Variants in NOL4 observed in about 807,000 individuals in gnomAD.
NOL4 encodes nucleolar protein 4, also known as cancer/testis antigen 125.
A neutral mutation model predicts 75.9 loss-of-function variants in NOL4; 17 were observed. The ratio of observed to expected loss-of-function variants is 0.22; its 90% confidence interval spans 0.15 to 0.34. NOL4 has a LOEUF of 0.34. NOL4 is among the 10% of genes least tolerant of loss of function. The pLI, the probability that NOL4 is intolerant of heterozygous loss-of-function variation, is 1.00. For missense variants in NOL4, 614 were observed against 793.5 expected (o/e 0.77, Z 2.72); for synonymous variants, 292 against 289.9 (o/e 1.01, Z -0.07).
chr18:34,094,880 C>T (rs1371836378), intron 4 of NOL4, among the ~76,000 whole-genome samples: 2 of 152,054 alleles, frequency 1.3e-5, no homozygotes, highest in East Asian at 3.9e-4. Context: ...TATACTAGAA[C>T]CGGTAGTCAT....
intron 9 of NOL4, among the ~76,000 whole-genome samples, chr18:33,883,638 T>C (rs1187223621): frequency 6.6e-6 from 1 of 152,090 alleles, no homozygotes; most frequent in African/African-American, 2.4e-5. Context: ...GATGGAACAA[T>C]TGACAGTTTT....
intron 5 of NOL4, among the ~76,000 whole-genome samples, chr18:34,062,405 A>G (rs2077099977): frequency 1.3e-5 from 2 of 152,068 alleles, no homozygotes; most frequent in Admixed American, 1.3e-4. Flanking sequence ...TTAGTACTGA[A>G]TAATTAGATC....
At chr18:33,862,045 C>T (rs2063165933) in intron 10 of NOL4, among the ~76,000 whole-genome samples, 2 of 152,120 alleles carry the variant, frequency 1.3e-5, no homozygotes, top group African/African-American at 4.8e-5. Context: ...GTAACCAAAA[C>T]AGCATGGTAC....
chr18:33,940,698 A>G (rs371203971), intron 9 of NOL4, among the ~76,000 whole-genome samples: 1 of 151,698 alleles, frequency 6.6e-6, no homozygotes, highest in African/African-American at 2.4e-5. Flanking sequence ...TACAAAAAAC[A>G]AAACAAAACA....
chr18:34,218,612 T>G (rs1335265419), intron 1 of NOL4, among the ~76,000 whole-genome samples: 1 of 152,180 alleles, frequency 6.6e-6, no homozygotes, highest in Non-Finnish European at 1.5e-5. Context: ...AATCACTAAG[T>G]CAGCTAATAA....
At chr18:33,880,449 A>G (rs1013731844) in intron 10 of NOL4, among the ~76,000 whole-genome samples, 4 of 151,938 alleles carry the variant, frequency 2.6e-5, no homozygotes, top group African/African-American at 9.7e-5. Context: ...ATAGCTTTAT[A>G]TTATACAGTT....
At chr18:34,090,978 C>A (rs2078488967) in intron 5 of NOL4, among the ~76,000 whole-genome samples, 1 of 151,996 alleles carries the variant, frequency 6.6e-6, no homozygotes, top group East Asian at 1.9e-4. Flanking sequence ...ACTTAATCTC[C>A]AGCATAGCAG....
chr18:34,201,284 A>G (rs1035121751), intron 1 of NOL4, among the ~76,000 whole-genome samples: 2 of 151,842 alleles, frequency 1.3e-5, no homozygotes, highest in African/African-American at 4.8e-5. Flanking sequence ...CTTCATAAAA[A>G]TCCCATGAAG....
At chr18:33,965,641 T>A (rs1299482995) in intron 6 of NOL4, among the ~76,000 whole-genome samples, 1 of 152,124 alleles carries the variant, frequency 6.6e-6, no homozygotes, top group East Asian at 1.9e-4. Context: ...TTTCATGAAA[T>A]CTGATGGTTT....
chr18:33,905,182 T>C (rs190069135), intron 9 of NOL4, among the ~76,000 whole-genome samples: 83 of 152,304 alleles, frequency 5.4e-4, no homozygotes, highest in African/African-American at 1.9e-3. Context: ...CTGTAGGCAC[T>C]GTACTAACTT....
At chr18:33,899,816 G>A (rs1311071469) in intron 9 of NOL4, among the ~76,000 whole-genome samples, 2 of 152,080 alleles carry the variant, frequency 1.3e-5, no homozygotes, top group Non-Finnish European at 2.9e-5. Flanking sequence ...GATTTGAGAA[G>A]CAGTTCATTT....
At chr18:33,883,836 C>T (rs2064465044) in intron 9 of NOL4, among the ~76,000 whole-genome samples, 1 of 152,084 alleles carries the variant, frequency 6.6e-6, no homozygotes, top group Non-Finnish European at 1.5e-5. Flanking sequence ...GGACATTGTG[C>T]AAAGTGATAT....
At chr18:34,023,149 A>G (rs2075139540) in intron 5 of NOL4, among the ~76,000 whole-genome samples, 1 of 152,194 alleles carries the variant, frequency 6.6e-6, no homozygotes, top group African/African-American at 2.4e-5. Context: ...TGCAATTTAA[A>G]TGGTAAAAAA....
chr18:34,023,080 T>C (rs568640328), intron 5 of NOL4, among the ~76,000 whole-genome samples: 71 of 152,156 alleles, frequency 4.7e-4, no homozygotes, highest in Non-Finnish European at 8.4e-4. Context: ...TCAGTATGTT[T>C]TAAGAAAAAC....
intron 6 of NOL4, among the ~76,000 whole-genome samples, chr18:34,004,785 C>T (rs2073940709): frequency 6.6e-6 from 1 of 151,994 alleles, no homozygotes; most frequent in South Asian, 2.1e-4. Flanking sequence ...AAAATCTTCC[C>T]AGACCACCTC....
At chr18:34,099,917 T>C (rs970707230) in intron 4 of NOL4, among the ~76,000 whole-genome samples, 3 of 152,208 alleles carry the variant, frequency 2.0e-5, no homozygotes, top group African/African-American at 7.2e-5. Context: ...TAAATGACTT[T>C]ACTTGAAACT....
intron 1 of NOL4, among the ~76,000 whole-genome samples, chr18:34,143,911 A>G (rs768789929): frequency 2.0e-5 from 3 of 151,598 alleles, no homozygotes; most frequent in Non-Finnish European, 4.4e-5. Context: ...CAGCTCTACT[A>G]AGACAATGGA....
At chr18:33,909,574 T>G (rs1210800650) in intron 9 of NOL4, among the ~76,000 whole-genome samples, 1 of 152,200 alleles carries the variant, frequency 6.6e-6, no homozygotes. Flanking sequence ...TCCAGTTTCC[T>G]GAGTTAGAGA....
At chr18:33,901,046 G>A (rs1463186425) in intron 9 of NOL4, among the ~76,000 whole-genome samples, 5 of 151,966 alleles carry the variant, frequency 3.3e-5, no homozygotes, top group African/African-American at 1.2e-4. Context: ...AGGTATCTTT[G>A]GTAAATAAAA....
Sources: gnomAD v4.1 joint callset for allele counts (sites outside exome capture counted in the v4.1 genomes callset) on GRCh38, gnomAD v4.1.1 for gene constraint, MANE v1.5 for transcripts, NCBI Gene and HGNC (gene_info 2026-07-23, HGNC 2026-07-21) for gene names.